The following TENM4 variants were observed in gnomAD, a reference collection of about 807,000 sequenced individuals.
The protein encoded by TENM4 is teneurin transmembrane protein 4, also known as teneurin-4.
Under a neutral mutation model 243.3 loss-of-function variants are expected in TENM4, and 82 were observed. That is an observed-to-expected ratio of 0.34 (90% CI 0.28 to 0.40). The LOEUF (loss-of-function observed/expected upper bound fraction) is 0.40. TENM4 is among the 10% of genes least tolerant of loss of function. The pLI, the probability that TENM4 is intolerant of heterozygous loss-of-function variation, is 1.00. For synonymous variants in TENM4, 1,412 were observed against 1,456.3 expected, an observed-to-expected ratio of 0.97 and a Z score of 0.69; for missense variants, 3,138 against 3,673.3, an observed-to-expected ratio of 0.85 and a Z score of 3.77.
chr11:78,818,170 A>G lies in TENM4; in HGVS notation c.1682-3775T>C, dbSNP rs181932855. Among the ~76,000 whole-genome samples the G allele has an allele frequency of 1.2e-3, 187 of 152,330 alleles. 2 individuals carry two copies. The highest frequency in any genetic ancestry group is 8.8e-5 in the Non-Finnish European group (6 of 68,034). ...AAATCCCTCCCAGATCTAAATTTCT[A>G]TGGTTCAATCCTTCTCAAACCCAAT... On this transcript the variant is annotated intron_variant, in intron 12 of 33. Coordinates refer to ENST00000278550, the MANE Select transcript of TENM4 (RefSeq NM_001098816.3).
intron 6 of TENM4, among the ~76,000 whole-genome samples, chr11:78,930,643 G>A (rs747663429): frequency 5.9e-5 from 9 of 152,152 alleles, no homozygotes; most frequent in African/African-American, 9.7e-5. Context: ...GAACTGGCCC[G>A]GGCCACAACG....
intron 3 of TENM4, among the ~76,000 whole-genome samples, chr11:79,205,857 A>C (rs1464313818): frequency 6.6e-6 from 1 of 152,238 alleles, no homozygotes; most frequent in Non-Finnish European, 1.5e-5. Context: ...ATTGAAATGA[A>C]GGAAGAGAGA....
rs758884108 is a variant in TENM4 at position 79,264,442 on chromosome 11, G to T, written c.-265+33046C>A. On this transcript the variant is annotated intron_variant, in intron 2 of 33. Coordinates refer to ENST00000278550, the MANE Select transcript of TENM4 (RefSeq NM_001098816.3). ...GGCAATCTTCCCAGAGTGGTAAACC[G>T]ACAAGGGCTTTGTTCTTGAAGAGGC... Among the ~76,000 whole-genome samples, 73 of 152,158 alleles carry T rather than the reference G, an allele frequency of 4.8e-4. 1 individual carries two copies. The highest frequency in any genetic ancestry group is 4.0e-4 in the Non-Finnish European group (27 of 68,034).
At chr11:78,831,865 GC>G (rs974984980) in intron 12 of TENM4, among the ~76,000 whole-genome samples, 5 of 152,298 alleles carry the variant, frequency 3.3e-5, no homozygotes, top group Admixed American at 3.3e-4. Context: ...ACAGGTCTGG[GC>G]CTAGGGCTCT....
rs1858505742 is a variant in TENM4 at position 79,403,599 on chromosome 11, C to T, written c.-321+36910G>A. Among the ~76,000 whole-genome samples the T allele has an allele frequency of 2.0e-5, 3 of 152,316 alleles. 1 individual carries two copies. Among genetic ancestry groups the T allele is most frequent in the Non-Finnish European group, 2.9e-5 (2 of 68,034 alleles). On this transcript the variant is annotated intron_variant, in intron 1 of 33. Coordinates refer to ENST00000278550, the MANE Select transcript of TENM4 (RefSeq NM_001098816.3). ...AAAACTAAATTGCAATGCTGTTCCA[C>T]TGTCATGTAATTGCCAGTGCCCAAG...
At chr11:78,935,969 C>T (rs188556342) in intron 6 of TENM4, among the ~76,000 whole-genome samples, 80 of 152,294 alleles carry the variant, frequency 5.3e-4, no homozygotes, top group Admixed American at 9.2e-4. Context: ...TCTGTAAGGG[C>T]CCTCTGAGTG....
intron 4 of TENM4, among the ~76,000 whole-genome samples, chr11:79,141,251 C>T (rs942864461): frequency 2.0e-5 from 3 of 151,914 alleles, no homozygotes; most frequent in African/African-American, 4.8e-5. Flanking sequence ...TTAAGAAATA[C>T]ATTTGAAGAC....
chr11:79,384,594 A>G (rs1858070715), intron 1 of TENM4, among the ~76,000 whole-genome samples: 1 of 152,182 alleles, frequency 6.6e-6, no homozygotes, highest in Non-Finnish European at 1.5e-5. Flanking sequence ...TCCCACCTGC[A>G]CAGTGAGGCA....
At chr11:78,774,275 A>C (rs775492744) in intron 17 of TENM4, among the ~76,000 whole-genome samples, 2 of 152,226 alleles carry the variant, frequency 1.3e-5, no homozygotes, top group Non-Finnish European at 2.9e-5. Context: ...AGAAATTCAT[A>C]AACAAGAAAA....
At chr11:78,818,945 C>T (rs1362624728) in intron 12 of TENM4, among the ~76,000 whole-genome samples, 2 of 145,744 alleles carry the variant, frequency 1.4e-5, no homozygotes, top group African/African-American at 5.2e-5. Flanking sequence ...TTTTCTATCA[C>T]AGCAGTGGGT....
Position 78,937,051 on chromosome 11 carries a change from T to TA in TENM4, c.494-33529dup, listed in dbSNP as rs530489102. Among the ~76,000 whole-genome samples the TA allele has an allele frequency of 7.2e-5, 11 of 152,036 alleles. No homozygotes were observed. The South Asian group carries it at 2.1e-3, about 29-fold the overall frequency. ...TCAAATTATTTATCATTATTGCAAT[T>TA]AAAAAAAATTGGGTTGGAAATTTGT... is the stretch of plus-strand genomic sequence containing the variant. On this transcript the variant is annotated intron_variant, in intron 6 of 33. Transcript: ENST00000278550.
At chr11:79,210,354 CT>C (rs1375711236) in intron 3 of TENM4, among the ~76,000 whole-genome samples, 1 of 152,192 alleles carries the variant, frequency 6.6e-6, no homozygotes, top group Non-Finnish European at 1.5e-5. Flanking sequence ...GGATTGTCTG[CT>C]GTGTGCATGG....
intron 2 of TENM4, among the ~76,000 whole-genome samples, chr11:79,289,683 G>A (rs1264745132): frequency 6.6e-6 from 1 of 152,208 alleles, no homozygotes; most frequent in Non-Finnish European, 1.5e-5. Flanking sequence ...GCAAATCTCT[G>A]TCCTAGAGTC....
intron 12 of TENM4, among the ~76,000 whole-genome samples, chr11:78,837,083 A>G (rs1156479776): frequency 6.6e-6 from 1 of 152,174 alleles, no homozygotes; most frequent in Admixed American, 6.5e-5. Context: ...TAGGGTTGAC[A>G]AAAGTGTTGT....
chr11:79,103,458 C>T (rs994251407), intron 4 of TENM4, among the ~76,000 whole-genome samples: 6 of 152,114 alleles, frequency 3.9e-5, no homozygotes, highest in Non-Finnish European at 1.5e-5. Context: ...TGTGGGCCCA[C>T]AGTGCATCCC....
At chr11:79,244,833 C>T (rs1040972822) in intron 2 of TENM4, among the ~76,000 whole-genome samples, 5 of 152,038 alleles carry the variant, frequency 3.3e-5, no homozygotes, top group Non-Finnish European at 7.4e-5. Flanking sequence ...GAAATTTTTG[C>T]CCGGAGTTTT....
chr11:79,253,602 G>C (rs1855651113), intron 2 of TENM4, among the ~76,000 whole-genome samples: 1 of 152,196 alleles, frequency 6.6e-6, no homozygotes, highest in Non-Finnish European at 1.5e-5. Flanking sequence ...CTGGGGAACT[G>C]TCTGATTGGT....
chr11:79,065,009 T>G lies in TENM4; in HGVS notation c.224-2A>C. On this transcript the variant is annotated splice_acceptor_variant, in intron 5 of 33. Transcript: ENST00000278550. LOFTEE classifies it high-confidence loss of function. ...GCTCCCGCAGGGTGAAGTTGGCACCTGGGAGGAAACACAGGTGAACTTGGT... is the reference window on the plus strand; with the variant it reads ...GCTCCCGCAGGGTGAAGTTGGCACCGGGGAGGAAACACAGGTGAACTTGGT... The G allele has an allele frequency of 6.9e-7, 1 of 1,456,864 alleles. No homozygotes were observed. The highest frequency in any genetic ancestry group is 9.1e-7 in the Non-Finnish European group (1 of 1,100,426). 90.2% of individuals were successfully genotyped at this position (1,456,864 alleles called of 1,614,324 possible).
At chr11:79,435,030 A>C (rs1280531093) in intron 1 of TENM4, among the ~76,000 whole-genome samples, 2 of 152,238 alleles carry the variant, frequency 1.3e-5, no homozygotes, top group Non-Finnish European at 2.9e-5. Context: ...AAAAGAGAGC[A>C]TGAAAAGTTT....
Sources: gnomAD v4.1 joint callset for allele counts (sites outside exome capture counted in the v4.1 genomes callset) on GRCh38, gnomAD v4.1.1 for gene constraint, MANE v1.5 for transcripts, NCBI Gene and HGNC (gene_info 2026-07-23, HGNC 2026-07-21) for gene names.